Variants in TENM3 observed in about 807,000 individuals in gnomAD.
The protein encoded by TENM3 is teneurin-3.
Under a neutral mutation model 255.1 loss-of-function variants are expected in TENM3, and 63 were observed. The observed-to-expected ratio is 0.25, with a 90% confidence interval of 0.20 to 0.30. The LOEUF (loss-of-function observed/expected upper bound fraction) is 0.30. TENM3 is among the 10% of genes least tolerant of loss of function. The probability of loss-of-function intolerance (pLI) is 1.00; values close to 1 mark genes in which losing one functional copy is unlikely to be tolerated. For missense variants in TENM3, 2,929 were observed against 3,461.1 expected (o/e 0.85, Z 3.86); for synonymous variants, 1,306 against 1,322.3 (o/e 0.99, Z 0.27).
At position 182,517,379 on chromosome 4, in the gene TENM3, C is replaced by CTT. The variant is rs780908155; in HGVS notation, c.512-83524_512-83523dup. 1.2e-3 allele frequency among the ~76,000 whole-genome samples: 110 copies of CTT among 89,384 alleles called. 2 individuals are homozygous for CTT. The highest frequency in any genetic ancestry group is 3.1e-3 in the African/African-American group (62 of 20,252). The allele number at this position is 89,384 out of a possible 152,430, so 58.6% of individuals were successfully genotyped here. On this transcript the variant is annotated intron_variant, in intron 3 of 27. Coordinates refer to ENST00000511685, the MANE Select transcript of TENM3 (RefSeq NM_001080477.4). ...GGTTTAAAAAAAAACAAAGTTCATT[C>CTT]TTTTTTTTTTTTTTTTTTTTTTGAG...
At chr4:182,070,867 T>C in the TENM3 span, among the ~76,000 whole-genome samples, 160 of 152,346 alleles carry the variant, frequency 1.1e-3, no homozygotes, top group African/African-American at 3.7e-3. Flanking sequence ...CTTTCCTCTA[T>C]GTCTAACTCC....
At chr4:182,722,086 C>T (rs1467933833) in intron 13 of TENM3, among the ~76,000 whole-genome samples, 2 of 152,134 alleles carry the variant, frequency 1.3e-5, no homozygotes, top group South Asian at 2.1e-4. Context: ...TCTTTTTAGT[C>T]GTGACTTCTG....
intron 1 of TENM3, among the ~76,000 whole-genome samples, chr4:182,280,725 T>A (rs1760326515): frequency 6.6e-6 from 1 of 152,018 alleles, no homozygotes; most frequent in Non-Finnish European, 1.5e-5. Flanking sequence ...ACCTGGCGGG[T>A]CAATTGGACT....
the TENM3 span, among the ~76,000 whole-genome samples, chr4:181,696,247 A>G: frequency 1.3e-5 from 2 of 152,150 alleles, no homozygotes; most frequent in African/African-American, 4.8e-5. Flanking sequence ...ATGATACCGT[A>G]TGTTGCCATT....
chr4:182,209,536 G>A (rs1451288284), intron 1 of TENM3, among the ~76,000 whole-genome samples: 4 of 152,212 alleles, frequency 2.6e-5, no homozygotes, highest in East Asian at 3.9e-4. Context: ...AGCCCCCTTC[G>A]CACCAGAATA....
At chr4:181,747,261 G>T in the TENM3 span, among the ~76,000 whole-genome samples, 1,792 of 152,098 alleles carry the variant, frequency 0.012, 36 homozygotes, top group African/African-American at 0.041. Context: ...GACTAAAAAT[G>T]AATATGTTTT....
chr4:181,909,246 C>T, the TENM3 span, among the ~76,000 whole-genome samples: 1 of 152,220 alleles, frequency 6.6e-6, no homozygotes, highest in African/African-American at 2.4e-5. Flanking sequence ...GTTCTGCTAT[C>T]ATTTAGCCCT....
chr4:181,907,473 A>G, the TENM3 span, among the ~76,000 whole-genome samples: 3 of 152,314 alleles, frequency 2.0e-5, no homozygotes, highest in Non-Finnish European at 4.4e-5. Flanking sequence ...TAGAGACCAT[A>G]CAAGGCTTGT....
the TENM3 span, among the ~76,000 whole-genome samples, chr4:181,970,186 A>G: frequency 6.6e-6 from 1 of 152,240 alleles, no homozygotes; most frequent in Non-Finnish European, 1.5e-5. Flanking sequence ...ATAAAACTAA[A>G]TTACCAGTAG....
the TENM3 span, among the ~76,000 whole-genome samples, chr4:181,888,492 G>GTATA: frequency 6.3e-5 from 1 of 15,798 alleles, no homozygotes; most frequent in African/African-American, 1.9e-4. Flanking sequence ...CAATAGAAAT[G>GTATA]TGTATATATA....
At chr4:181,849,184 A>G in the TENM3 span, among the ~76,000 whole-genome samples, 1 of 152,340 alleles carries the variant, frequency 6.6e-6, no homozygotes, top group African/African-American at 2.4e-5. Flanking sequence ...CAACCAAAGG[A>G]GGAACATTAC....
intron 3 of TENM3, among the ~76,000 whole-genome samples, chr4:182,594,015 T>C (rs369779462): frequency 6.6e-6 from 1 of 151,718 alleles, no homozygotes; most frequent in Non-Finnish European, 1.5e-5. Context: ...CAGATATGCA[T>C]TGTTTTGTTT....
chr4:181,472,334 C>A, the TENM3 span, among the ~76,000 whole-genome samples: 1 of 151,140 alleles, frequency 6.6e-6, no homozygotes, highest in Non-Finnish European at 1.5e-5. Context: ...TGGAAGGACC[C>A]TTACAACAAG....
chr4:182,264,616 T>A (rs1759119613), intron 1 of TENM3, among the ~76,000 whole-genome samples: 1 of 152,212 alleles, frequency 6.6e-6, no homozygotes. Context: ...CCAGGTTCAA[T>A]TCCCTGCCTA....
chr4:182,262,255 A>G (rs1007531354), intron 1 of TENM3, among the ~76,000 whole-genome samples: 2 of 152,202 alleles, frequency 1.3e-5, no homozygotes, highest in Admixed American at 1.3e-4. Flanking sequence ...GTCACAAGCT[A>G]TTTACTTGTT....
At chr4:181,590,444 A>C in the TENM3 span, among the ~76,000 whole-genome samples, 2 of 152,236 alleles carry the variant, frequency 1.3e-5, no homozygotes, top group African/African-American at 2.4e-5. Flanking sequence ...AGTGAATAGC[A>C]GGTCTGTGCC....
At chr4:181,921,817 T>G in the TENM3 span, among the ~76,000 whole-genome samples, 5 of 152,246 alleles carry the variant, frequency 3.3e-5, no homozygotes, top group South Asian at 2.1e-4. Context: ...TGTGCCAGTT[T>G]TCAAAGGGAA....
rs554625426 is a variant in TENM3 at position 182,793,104 on chromosome 4, T to A, written c.6432T>A (p.Asn2144Lys). The change falls in exon 26 of 28, where the codon AAT becomes AAA. Residue 2144 changes from asparagine (N) to lysine (K), a missense_variant. This residue lies in a region of TENM3 where 256 missense variants were observed against 389.3 expected (regional missense o/e 0.66). Transcript: ENST00000511685. The surrounding 1 kb of genome is among the most constrained non-coding windows in gnomAD (Gnocchi z 5.7). Reference protein sequence around the residue: ...VDGQLQTVYLNEKIMWRYNYD... With the variant: ...VDGQLQTVYLKEKIMWRYNYD... ...GACAGCTCCAAACAGTTTACCTCAA[T>A]GAAAAGATAATGTGGCGGTACAACT... 2 of 1,613,938 alleles carry A rather than the reference T, an allele frequency of 1.2e-6. No homozygotes were observed. The highest frequency in any genetic ancestry group is 1.3e-5 in the African/African-American group (1 of 75,014).
At chr4:182,296,111 G>A (rs151151484) in intron 1 of TENM3, among the ~76,000 whole-genome samples, 9,301 of 151,936 alleles carry the variant, frequency 0.061, 722 homozygotes, top group African/African-American at 0.17. Flanking sequence ...TTACAGGCAC[G>A]CACCACCGTG....
Sources: allele counts gnomAD v4.1 joint callset (sites outside exome capture counted in the v4.1 genomes callset), GRCh38; gene constraint gnomAD v4.1.1; regional missense constraint gnomAD v4.1.1; non-coding constraint Gnocchi (gnomAD v3.1); transcripts MANE v1.5; gene names NCBI Gene and HGNC (gene_info 2026-07-23, HGNC 2026-07-21).